GNPTAB: variants seen among roughly 807,000 people sequenced by gnomAD.
GNPTAB encodes the protein N-acetylglucosamine-1-phosphotransferase subunits alpha/beta.
GNPTAB carries 92 observed loss-of-function variants against 136.6 expected under a neutral mutation model. The observed-to-expected ratio is 0.67, with a 90% CI of 0.57 to 0.80. The LOEUF (loss-of-function observed/expected upper bound fraction) is 0.80. GNPTAB is among the 30% of genes least tolerant of loss of function. GNPTAB has a pLI of 0.00. For missense variants in GNPTAB, 1,343 were observed against 1,501.8 expected, an observed-to-expected ratio of 0.89 and a Z score of 1.75; for synonymous variants, 512 against 535.1, an observed-to-expected ratio of 0.96 and a Z score of 0.60.
chr12:101,813,238 A>C (rs1442288498), intron 1 of GNPTAB, among the ~76,000 whole-genome samples: 1 of 152,208 alleles, frequency 6.6e-6, no homozygotes, highest in Non-Finnish European at 1.5e-5. Context: ...AATTTTTAAA[A>C]ACCACTTGAA....
rs567845336 is a variant in GNPTAB, at chr12:101,814,851, A to G, written c.117+15708T>C. Among the ~76,000 whole-genome samples the G allele has an allele frequency of 2.0e-5, 3 of 152,336 alleles. No individual in the cohort carries two copies. The East Asian group carries it at 5.8e-4, about 29-fold the overall frequency. On this transcript the variant is annotated intron_variant, in intron 1 of 20. Coordinates refer to ENST00000299314, the MANE Select transcript of GNPTAB (RefSeq NM_024312.5). ...TTTAATGTCTATTTAATAGAAGACA[A>G]TATCTGTTCTACATCAGTCTGTTGC...
chr12:101,771,113 A>G lies in GNPTAB; in HGVS notation c.816T>C (p.Asn272=). The G allele has an allele frequency of 6.2e-7, 1 of 1,613,840 alleles. No homozygotes were observed. Residue 272 remains asparagine (N), a synonymous_variant, in exon 8 of 21, where the codon AAT becomes AAC. Transcript: ENST00000299314. Reference sequence around the variant, plus strand: ...TCAATTCTTGAAAATCCTTGGGGTTATTCAGTTTTAGAAGCGCTACACTGG... The same window carrying G: ...TCAATTCTTGAAAATCCTTGGGGTTGTTCAGTTTTAGAAGCGCTACACTGG... ...SEASVALLKL[N]NPKDFQELNK...
In GNPTAB at chr12:101,770,111, C is replaced by A; in HGVS notation, c.1194G>T (p.Leu398=). 2 of 1,614,104 alleles carry A rather than the reference C, an allele frequency of 1.2e-6. No homozygotes were observed. Among genetic ancestry groups the A allele is most frequent in the Non-Finnish European group, 1.7e-6 (2 of 1,179,976 alleles). Reference sequence around the variant, plus strand: ...CATTTAGGTAAATAAACTTCTGGGACAGCCCTTCGATGCGATGAATGTGAC... The same window carrying A: ...CATTTAGGTAAATAAACTTCTGGGAAAGCCCTTCGATGCGATGAATGTGAC... ...IESHIHRIEG[L]SQKFIYLNDD... is the part of the protein sequence containing the mutation. The change falls in exon 10 of 21, where the codon CTG becomes CTT. Residue 398 remains leucine, a synonymous_variant. Transcript: ENST00000299314.
chr12:101,758,018 C>T (rs546595376), intron 16 of GNPTAB, among the ~76,000 whole-genome samples: 319 of 151,016 alleles, frequency 2.1e-3, no homozygotes, highest in Non-Finnish European at 4.0e-3. Context: ...TCCCGACCCA[C>T]AAATAGTCTC....
Position 101,764,185 on chromosome 12 carries a change from G to A in GNPTAB, c.2715+17C>T. On this transcript the variant is annotated intron_variant, in intron 13 of 20. Transcript: ENST00000299314. Reference sequence around the variant, plus strand: ...TCTTCCTGAGCATGAGAAAGAATGAGGCTGGATGTTACTTACGTCGAGAAG... The same window carrying A: ...TCTTCCTGAGCATGAGAAAGAATGAAGCTGGATGTTACTTACGTCGAGAAG... 2 of 1,613,372 alleles carry A rather than the reference G, an allele frequency of 1.2e-6. No homozygotes were observed. The highest frequency in any genetic ancestry group is 8.5e-7 in the Non-Finnish European group (1 of 1,179,952).
At chr12:101,758,703 G>A (rs1256630573) in intron 16 of GNPTAB, among the ~76,000 whole-genome samples, 1 of 152,204 alleles carries the variant, frequency 6.6e-6, no homozygotes, top group Non-Finnish European at 1.5e-5. Flanking sequence ...CATACTATGT[G>A]CTCTGATGGC....
chr12:101,750,291 T>G (rs1401289678), intron 19 of GNPTAB, among the ~76,000 whole-genome samples: 3 of 152,228 alleles, frequency 2.0e-5, no homozygotes, highest in Non-Finnish European at 4.4e-5. Flanking sequence ...CATTTTCCAC[T>G]GTTTGGGCGT....
At chr12:101,818,077 C>T (rs1843799247) in intron 1 of GNPTAB, among the ~76,000 whole-genome samples, 1 of 152,230 alleles carries the variant, frequency 6.6e-6, no homozygotes, top group Admixed American at 6.5e-5. Context: ...TCCCCTGTCA[C>T]TCCAAAGATG....
At position 101,753,534 on chromosome 12, in the gene GNPTAB, A is replaced by T; in HGVS notation, c.3440T>A (p.Phe1147Tyr). ...GTCAATGTTGTCATTCAGGCAAACA[A>T]ACTTCCTGAAATAACAGAGAGCCAG... Reference protein sequence around the residue: ...LDDIRKNPRKFVCLNDNIDHN... With the variant: ...LDDIRKNPRKYVCLNDNIDHN... Residue 1147 changes from phenylalanine (F) to tyrosine (Y), a missense_variant, in exon 19 of 21, where the codon TTT becomes TAT. Transcript: ENST00000299314. 3.1e-6 allele frequency: 5 copies of T among 1,613,234 alleles called. No individual in the cohort carries two copies. Among genetic ancestry groups the T allele is most frequent in the Non-Finnish European group, 4.2e-6 (5 of 1,179,188 alleles).
chr12:101,794,829 G>T (rs931909744), intron 2 of GNPTAB, among the ~76,000 whole-genome samples: 2 of 151,988 alleles, frequency 1.3e-5, no homozygotes, highest in African/African-American at 4.8e-5. Context: ...CACTTTGGGA[G>T]GTCAAGATGG....
At chr12:101,819,629 C>T (rs1162096024) in intron 1 of GNPTAB, among the ~76,000 whole-genome samples, 3 of 152,134 alleles carry the variant, frequency 2.0e-5, no homozygotes, top group Non-Finnish European at 2.9e-5. Context: ...GTTTCACTCC[C>T]TGAATGAGTG....
At chr12:101,749,270 G>T in intron 19 of GNPTAB, 79 bp from the exon 20 acceptor site, 2 of 838,874 alleles carry the variant, frequency 2.4e-6, no homozygotes, top group East Asian at 2.4e-5. Context: ...TTATATACTA[G>T]TTCTATAAAA....
At chr12:101,815,622 CA>C (rs34191299) in intron 1 of GNPTAB, among the ~76,000 whole-genome samples, 86,101 of 135,218 alleles carry the variant, frequency 0.64, 26,701 homozygotes, top group East Asian at 0.91. Context: ...GACCCTGTTC[CA>C]AAAAAAAAAA....
At chr12:101,757,785 G>A in intron 16 of GNPTAB, 128 bp from the exon 17 acceptor site, 1 of 693,894 alleles carries the variant, frequency 1.4e-6, no homozygotes, top group Admixed American at 2.1e-5. Context: ...CACCAACTGT[G>A]ACTACATATA....
chr12:101,771,368 T>C (rs553322002), intron 7 of GNPTAB, among the ~76,000 whole-genome samples: 23 of 152,030 alleles, frequency 1.5e-4, no homozygotes, highest in African/African-American at 5.1e-4. Context: ...CTCAGCCTCC[T>C]GAGTAGCTGG....
chr12:101,775,400 G>A (rs989775365), intron 7 of GNPTAB, among the ~76,000 whole-genome samples: 4 of 141,418 alleles, frequency 2.8e-5, no homozygotes, highest in Admixed American at 1.5e-4. Context: ...TCACTCTGTC[G>A]CCAGGCTGGA....
intron 5 of GNPTAB, 58 bp downstream of exon 5, chr12:101,785,954 T>C: frequency 8.0e-7 from 1 of 1,243,662 alleles, no homozygotes; most frequent in Non-Finnish European, 1.2e-6. Context: ...ACTCAGAATT[T>C]TGTTATTCAA....
At chr12:101,780,423 C>T (rs1953324630) in intron 6 of GNPTAB, 134 bp downstream of exon 6, 4 of 1,110,986 alleles carry the variant, frequency 3.6e-6, no homozygotes, top group East Asian at 5.0e-5. Flanking sequence ...CTTGAATCAA[C>T]AGTCATTAAT....
intron 1 of GNPTAB, among the ~76,000 whole-genome samples, chr12:101,823,249 G>C (rs912799623): frequency 3.3e-5 from 5 of 152,166 alleles, no homozygotes; most frequent in African/African-American, 1.2e-4. Flanking sequence ...TAGGAAGGCA[G>C]GGTGCCAGGT....
Sources: allele counts gnomAD v4.1 joint callset (sites outside exome capture counted in the v4.1 genomes callset), GRCh38; gene constraint gnomAD v4.1.1; transcripts MANE v1.5; gene names NCBI Gene and HGNC (gene_info 2026-07-23, HGNC 2026-07-21).